The following PLCG2 variants were observed in gnomAD, a reference collection of about 807,000 sequenced individuals.
PLCG2 encodes 1-phosphatidylinositol 4,5-bisphosphate phosphodiesterase gamma-2.
A neutral mutation model predicts 175.6 loss-of-function variants in PLCG2; 69 were observed. The ratio of observed to expected loss-of-function variants is 0.39; its 90% CI spans 0.32 to 0.48. PLCG2 has a LOEUF of 0.48. Ranked by LOEUF, PLCG2 falls within the 20% of genes least tolerant of loss-of-function variation. The pLI is 0.91. For synonymous variants in PLCG2, 827 were observed against 624.0 expected (o/e 1.33, Z -4.85); for missense variants, 1,798 against 1,650.9 (o/e 1.09, Z -1.54).
At chr16:81,936,864 G>C (rs117206377) in intron 27 of PLCG2, among the ~76,000 whole-genome samples, 2,189 of 152,266 alleles carry the variant, frequency 0.014, 16 homozygotes, top group Middle Eastern at 0.095. Context: ...TTCATCAGTA[G>C]CCTCCTTTAC....
intron 2 of PLCG2, among the ~76,000 whole-genome samples, chr16:81,851,813 T>G (rs1906429326): frequency 6.6e-6 from 1 of 152,168 alleles, no homozygotes. Context: ...AGTGCCCGGC[T>G]TGTTTTCACA....
intron 2 of PLCG2, among the ~76,000 whole-genome samples, chr16:81,816,790 C>T (rs1285973201): frequency 6.0e-5 from 9 of 150,648 alleles, no homozygotes; most frequent in South Asian, 2.1e-4. Flanking sequence ...GCATTAGCCA[C>T]GGTGCCCAGC....
chr16:81,876,404 A>G (rs527810379), intron 7 of PLCG2, among the ~76,000 whole-genome samples: 1 of 152,134 alleles, frequency 6.6e-6, no homozygotes, highest in African/African-American at 2.4e-5. Context: ...TGAGTGCGTA[A>G]GACCAGCTTC....
At chr16:81,952,100 G>T (rs1911389352) in intron 31 of PLCG2, among the ~76,000 whole-genome samples, 4 of 151,862 alleles carry the variant, frequency 2.6e-5, no homozygotes, top group Admixed American at 2.6e-4. Context: ...ACACATTTAG[G>T]AGTAATTTAA....
At chr16:81,810,932 C>T (rs1370197464) in intron 2 of PLCG2, among the ~76,000 whole-genome samples, 1 of 152,164 alleles carries the variant, frequency 6.6e-6, no homozygotes, top group African/African-American at 2.4e-5. Flanking sequence ...CTCTAAGAGG[C>T]ACCAAGGGAG....
intron 1 of PLCG2, among the ~76,000 whole-genome samples, chr16:81,742,450 C>T (rs924035276): frequency 8.6e-5 from 13 of 152,030 alleles, no homozygotes; most frequent in African/African-American, 1.7e-4. Flanking sequence ...CTCCTGGGGC[C>T]CAGCCTATCT....
At chr16:81,876,822 G>A (rs751241028) in intron 7 of PLCG2, among the ~76,000 whole-genome samples, 1 of 152,158 alleles carries the variant, frequency 6.6e-6, no homozygotes, top group Non-Finnish European at 1.5e-5. Context: ...TGGTAATGCC[G>A]AACATAAATT....
intron 1 of PLCG2, among the ~76,000 whole-genome samples, chr16:81,784,057 A>G (rs1044182719): frequency 6.6e-6 from 1 of 152,008 alleles, no homozygotes; most frequent in Non-Finnish European, 1.5e-5. Context: ...CTGCTGCTGC[A>G]CTTGTAACTA....
chr16:81,960,192 T>C lies in PLCG2; in HGVS notation c.*2194T>C. 4.5e-6 allele frequency: 1 copy of C among 220,550 alleles called. No homozygotes were observed. 13.7% of individuals were successfully genotyped at this position (220,550 alleles called of 1,614,324 possible). The stretch of plus-strand genomic sequence containing the variant: ...CTCCTGTCCTTGACAGAGTAACACG[T>C]TAATCTGGTTCTTGGTGGTGTTAGG... On this transcript the variant is annotated 3_prime_UTR_variant, in exon 33 of 33. Transcript: ENST00000564138.
intron 9 of PLCG2, 140 bp downstream of exon 9, chr16:81,883,481 T>A: frequency 3.0e-6 from 2 of 656,682 alleles, no homozygotes; most frequent in Admixed American, 2.3e-5. Context: ...CCTGTCTTCA[T>A]GGAACGATTG....
intron 7 of PLCG2, among the ~76,000 whole-genome samples, chr16:81,876,432 T>C (rs1907792668): frequency 6.6e-6 from 1 of 152,198 alleles, no homozygotes; most frequent in Non-Finnish European, 1.5e-5. Context: ...AAAGGGCGTG[T>C]GCCTTCAGCC....
chr16:81,812,328 C>T (rs1286072334), intron 2 of PLCG2, among the ~76,000 whole-genome samples: 3 of 152,154 alleles, frequency 2.0e-5, no homozygotes, highest in Admixed American at 6.5e-5. Flanking sequence ...AGATTACAGG[C>T]GTGAGCCACC....
chr16:81,829,903 A>G (rs1357679910), intron 2 of PLCG2, among the ~76,000 whole-genome samples: 2 of 150,696 alleles, frequency 1.3e-5, no homozygotes, highest in African/African-American at 4.9e-5. Context: ...AGTGAGTGCC[A>G]AATCGCTCTC....
rs770521320 is a variant in PLCG2, at chr16:81,956,770, C to A, written c.3646C>A (p.Leu1216Met). Residue 1216 changes from leucine to methionine, a missense_variant, in exon 32 of 33, where the codon CTG (leucine) becomes ATG (methionine). Transcript: ENST00000564138. ...AGAAGAACTGAACAACCAGCTCTTTCTGTATGACACACACCAGAACTTGCG... is the reference window on the plus strand; with the variant it reads ...AGAAGAACTGAACAACCAGCTCTTTATGTATGACACACACCAGAACTTGCG... ...RQEELNNQLFLYDTHQNLRNA... is the reference protein window; with the variant it reads ...RQEELNNQLFMYDTHQNLRNA... 11 of 1,614,174 alleles carry A rather than the reference C, an allele frequency of 6.8e-6. No individual in the cohort carries two copies. Among genetic ancestry groups the A allele is most frequent in the Non-Finnish European group, 7.6e-6 (9 of 1,180,002 alleles).
At position 81,752,087 on chromosome 16, in the gene PLCG2, C is replaced by A. The variant is rs560998524; in HGVS notation, c.-144-3783C>A. On this transcript the variant is annotated intron_variant, in intron 1 of 5. Coordinates refer to the PLCG2 transcript ENST00000565054. ...ATATATAAAAGAGCTAGGATTTGAA[C>A]CTGCAACTCTTCACTGTGATGTAGG... 2.6e-5 allele frequency among the ~76,000 whole-genome samples: 4 copies of A among 151,984 alleles called. No homozygotes were observed. In the East Asian group the frequency reaches 7.7e-4, roughly 29 times the overall value.
At chr16:81,831,797 C>G (rs895177635) in intron 2 of PLCG2, among the ~76,000 whole-genome samples, 4 of 152,214 alleles carry the variant, frequency 2.6e-5, no homozygotes, top group African/African-American at 9.6e-5. Context: ...AAGGCTCTTA[C>G]CTTCTAGCTG....
intron 7 of PLCG2, among the ~76,000 whole-genome samples, chr16:81,877,766 A>T (rs1907874011): frequency 2.1e-5 from 3 of 146,020 alleles, no homozygotes; most frequent in African/African-American, 7.6e-5. Flanking sequence ...TGGCGTGTAG[A>T]TGTCATTGCA....
At chr16:81,840,695 G>A (rs994134648) in intron 2 of PLCG2, among the ~76,000 whole-genome samples, 1 of 152,172 alleles carries the variant, frequency 6.6e-6, no homozygotes, top group African/African-American at 2.4e-5. Context: ...AGGCAGTAAT[G>A]TTCGCTAGAC....
intron 19 of PLCG2, among the ~76,000 whole-genome samples, chr16:81,914,921 G>A (rs924625513): frequency 1.3e-5 from 2 of 152,212 alleles, no homozygotes; most frequent in African/African-American, 4.8e-5. Context: ...TGATCCTGTT[G>A]TATTTGGATG....
Sources: allele counts gnomAD v4.1 joint callset (sites outside exome capture counted in the v4.1 genomes callset), GRCh38; gene constraint gnomAD v4.1.1; transcripts MANE v1.5; gene names NCBI Gene and HGNC (gene_info 2026-07-23, HGNC 2026-07-21).